Variants in LDLRAD3 observed in about 807,000 individuals in gnomAD.
The protein encoded by LDLRAD3 is low density lipoprotein receptor class A domain containing 3.
LDLRAD3 carries 20 observed loss-of-function variants against 29.4 expected under a neutral mutation model. The ratio of observed to expected loss-of-function variants is 0.68; its 90% CI spans 0.48 to 0.99. The LOEUF (loss-of-function observed/expected upper bound fraction) is 0.99. Ranked by LOEUF, LDLRAD3 falls within the 50% of genes least tolerant of loss-of-function variation. LDLRAD3 has a pLI of 0.00. For missense variants in LDLRAD3, 420 were observed against 454.3 expected (o/e 0.92, Z 0.69); for synonymous variants, 157 against 192.7 (o/e 0.81, Z 1.53).
intron 2 of LDLRAD3, among the ~76,000 whole-genome samples, chr11:36,046,395 AG>A (rs1328630213): frequency 2.0e-5 from 3 of 152,160 alleles, no homozygotes; most frequent in Non-Finnish European, 4.4e-5. Flanking sequence ...TGTCTTTATT[AG>A]CAGCATGAGA....
At chr11:36,144,380 C>T (rs1203085093) in intron 4 of LDLRAD3, among the ~76,000 whole-genome samples, 1 of 142,232 alleles carries the variant, frequency 7.0e-6, no homozygotes, top group Non-Finnish European at 1.6e-5. Flanking sequence ...GTGTCTCTGC[C>T]TGGCCGCCCA....
In LDLRAD3 at chr11:36,229,292, C is replaced by T; in HGVS notation, c.933C>T (p.Leu311=). ...NSASSQAASS[L]LSVEDTSHSP... The stretch of plus-strand genomic sequence containing the variant: ...CCAGCTCCCAGGCAGCCAGCAGCCT[C>T]CTGAGCGTGGAAGACACCAGCCACA... The change falls in exon 6 of 6, where the codon CTC becomes CTT. Residue 311 remains leucine (L), a synonymous_variant. Coordinates refer to ENST00000315571, the MANE Select transcript of LDLRAD3 (RefSeq NM_174902.4). The T allele has an allele frequency of 2.5e-6, 4 of 1,614,112 alleles. No individual in the cohort carries two copies. Among genetic ancestry groups the T allele is most frequent in the Non-Finnish European group, 2.5e-6 (3 of 1,180,040 alleles).
intron 1 of LDLRAD3, among the ~76,000 whole-genome samples, chr11:35,946,925 C>G (rs1851064518): frequency 6.6e-6 from 1 of 152,144 alleles, no homozygotes; most frequent in African/African-American, 2.4e-5. Context: ...AATAAACACA[C>G]CTTGTTGCTT....
chr11:35,993,161 C>T lies in LDLRAD3; in HGVS notation c.47-42942C>T, dbSNP rs539341346. Among the ~76,000 whole-genome samples the T allele has an allele frequency of 1.5e-4, 23 of 152,302 alleles. No homozygotes were observed. In the East Asian group the frequency reaches 4.1e-3, roughly 27 times the overall value. On this transcript the variant is annotated intron_variant, in intron 1 of 5. Coordinates refer to ENST00000315571, the MANE Select transcript of LDLRAD3 (RefSeq NM_174902.4). Reference sequence around the variant, plus strand: ...ACTTCAGACTGGGTCTTTCTTCTGACTCCCATTTCACTGTGCTAGCTAAGA... The same window carrying T: ...ACTTCAGACTGGGTCTTTCTTCTGATTCCCATTTCACTGTGCTAGCTAAGA...
At chr11:36,028,151 C>T (rs1192656768) in intron 1 of LDLRAD3, among the ~76,000 whole-genome samples, 2 of 152,162 alleles carry the variant, frequency 1.3e-5, no homozygotes, top group Admixed American at 6.5e-5. Context: ...TTGCATATTG[C>T]GTGGCAGATT....
At chr11:36,104,546 A>C (rs956382881) in intron 4 of LDLRAD3, among the ~76,000 whole-genome samples, 2 of 152,002 alleles carry the variant, frequency 1.3e-5, no homozygotes, top group African/African-American at 2.4e-5. Flanking sequence ...GATCGGTGAA[A>C]CCTTTGGAAG....
chr11:35,989,310 C>A (rs1474858864), intron 1 of LDLRAD3, among the ~76,000 whole-genome samples: 1 of 152,144 alleles, frequency 6.6e-6, no homozygotes, highest in Non-Finnish European at 1.5e-5. Context: ...TAATGTGATG[C>A]CTGCACCTTT....
At chr11:35,993,842 T>G (rs1053717355) in intron 1 of LDLRAD3, among the ~76,000 whole-genome samples, 2 of 151,764 alleles carry the variant, frequency 1.3e-5, no homozygotes, top group African/African-American at 4.8e-5. Flanking sequence ...AGCAGGTCTG[T>G]TTTTTTTCCA....
intron 4 of LDLRAD3, among the ~76,000 whole-genome samples, chr11:36,159,645 C>G (rs1854408395): frequency 7.3e-6 from 1 of 136,484 alleles, no homozygotes; most frequent in African/African-American, 2.7e-5. Context: ...TGGTGACATG[C>G]TCCTGTAGTC....
Position 36,227,387 on chromosome 11 carries a change from G to A in LDLRAD3, c.757G>A (p.Val253Ile), listed in dbSNP as rs941485441. The change falls in exon 5 of 6, where the codon GTA (valine) becomes ATA (isoleucine). Residue 253 changes from valine to isoleucine, a missense_variant. Coordinates refer to ENST00000315571, the MANE Select transcript of LDLRAD3 (RefSeq NM_174902.4). Reference protein sequence around the residue: ...ASQAEQNASEVGSPPSYSEAL... With the variant: ...ASQAEQNASEIGSPPSYSEAL... ...CCAGGCGGAGCAGAATGCGTCGGAA[G>A]TAGGCTCCCCACCCTCCTACTCCGA... 2 of 1,608,508 alleles carry A rather than the reference G, an allele frequency of 1.2e-6. No individual in the cohort carries two copies. Among genetic ancestry groups the A allele is most frequent in the Non-Finnish European group, 1.7e-6 (2 of 1,177,242 alleles).
chr11:36,112,539 C>T (rs1260739253), intron 4 of LDLRAD3, among the ~76,000 whole-genome samples: 3 of 152,226 alleles, frequency 2.0e-5, no homozygotes, highest in African/African-American at 4.8e-5. Flanking sequence ...CTCTCCAAGA[C>T]ACCTCCCTGC....
chr11:36,083,143 C>T (rs1183648132), intron 3 of LDLRAD3, among the ~76,000 whole-genome samples: 3 of 152,178 alleles, frequency 2.0e-5, no homozygotes, highest in Non-Finnish European at 2.9e-5. Flanking sequence ...CAGTGTGATA[C>T]AATCGTTACG....
chr11:36,019,334 CAG>C (rs1474506938), intron 1 of LDLRAD3, among the ~76,000 whole-genome samples: 6 of 152,206 alleles, frequency 3.9e-5, no homozygotes, highest in Admixed American at 2.6e-4. Flanking sequence ...AAAGGAGAGA[CAG>C]GGAGAGTCTC....
chr11:36,122,535 T>C (rs2133297442), intron 4 of LDLRAD3, among the ~76,000 whole-genome samples: 1 of 152,310 alleles, frequency 6.6e-6, no homozygotes, highest in African/African-American at 2.4e-5. Flanking sequence ...AATTATTCGT[T>C]CTGTGGTTAC....
intron 4 of LDLRAD3, chr11:36,101,889 T>C: frequency 3.7e-6 from 1 of 273,158 alleles, no homozygotes. Context: ...TGTCATCTTT[T>C]TTTTTTTTTT....
intron 1 of LDLRAD3, among the ~76,000 whole-genome samples, chr11:35,994,942 C>G (rs1314858589): frequency 6.6e-6 from 1 of 152,164 alleles, no homozygotes; most frequent in African/African-American, 2.4e-5. Context: ...AATTCTAGTT[C>G]TTTTGCTCTT....
intron 4 of LDLRAD3, among the ~76,000 whole-genome samples, chr11:36,215,833 T>C (rs1855345308): frequency 6.6e-6 from 1 of 152,148 alleles, no homozygotes; most frequent in Non-Finnish European, 1.5e-5. Flanking sequence ...GTGTGCACAC[T>C]CAGCATTTCC....
At chr11:35,971,199 A>G (rs964623807) in intron 1 of LDLRAD3, among the ~76,000 whole-genome samples, 3 of 152,128 alleles carry the variant, frequency 2.0e-5, no homozygotes, top group African/African-American at 7.2e-5. Context: ...CTACCCTTCC[A>G]TCTGGGAGAG....
chr11:36,128,118 A>G lies in LDLRAD3; in HGVS notation c.454+29657A>G, dbSNP rs1389206623. Among the ~76,000 whole-genome samples the G allele has an allele frequency of 1.6e-4, 11 of 68,328 alleles. 1 individual carries two copies. The highest frequency in any genetic ancestry group is 5.2e-4 in the African/African-American group (9 of 17,328). The allele number at this position is 68,328 out of a possible 152,430, so 44.8% of individuals were successfully genotyped here. Reference sequence around the variant, plus strand: ...GTATTGATGGCAGAGTTGTTTTTACATATATATATATATATATGTATATGA... The same window carrying G: ...GTATTGATGGCAGAGTTGTTTTTACGTATATATATATATATATGTATATGA... On this transcript the variant is annotated intron_variant, in intron 4 of 5. Coordinates refer to ENST00000315571, the MANE Select transcript of LDLRAD3 (RefSeq NM_174902.4).
Sources: gnomAD v4.1 joint callset for allele counts (sites outside exome capture counted in the v4.1 genomes callset) on GRCh38, gnomAD v4.1.1 for gene constraint, MANE v1.5 for transcripts, NCBI Gene and HGNC (gene_info 2026-07-23, HGNC 2026-07-21) for gene names.